The following ADGRL2 variants were observed in gnomAD, a reference collection of about 807,000 sequenced individuals.
ADGRL2 encodes the protein calcium-independent alpha-latrotoxin receptor 2.
ADGRL2 carries 44 observed loss-of-function variants against 157.4 expected under a neutral mutation model. The observed-to-expected ratio is 0.28, with a 90% confidence interval of 0.22 to 0.36. ADGRL2 has a LOEUF of 0.36. ADGRL2 is among the 10% of genes least tolerant of loss of function. The pLI, the probability that ADGRL2 is intolerant of heterozygous loss-of-function variation, is 1.00. For synonymous variants in ADGRL2, 585 were observed against 624.7 expected (o/e 0.94, Z 0.95); for missense variants, 1,510 against 1,768.9 (o/e 0.85, Z 2.63).
rs534673051 is a variant in ADGRL2, at chr1:81,974,941, T to C, written c.3021+3023T>C. Among the ~76,000 whole-genome samples the C allele has an allele frequency of 2.0e-5, 3 of 152,172 alleles. No homozygotes were observed. The South Asian group carries it at 6.2e-4, about 32-fold the overall frequency. On this transcript the variant is annotated intron_variant, in intron 17 of 23. Transcript: ENST00000686636. ...TTGGGGATAGGTAAAAGAATGATCTTTGTCAGTGGGAGAGAAAAAAAAATG... is the reference window on the plus strand; with the variant it reads ...TTGGGGATAGGTAAAAGAATGATCTCTGTCAGTGGGAGAGAAAAAAAAATG...
At chr1:81,896,327 A>G (rs1054937827) in intron 2 of ADGRL2, among the ~76,000 whole-genome samples, 10 of 152,188 alleles carry the variant, frequency 6.6e-5, no homozygotes, top group Admixed American at 5.2e-4. Context: ...TAATAATTGT[A>G]AAGAGTATTT....
intron 6 of ADGRL2, among the ~76,000 whole-genome samples, chr1:81,946,468 A>T (rs987879830): frequency 6.6e-6 from 1 of 151,820 alleles, no homozygotes; most frequent in Non-Finnish European, 1.5e-5. Context: ...GCCTTAGGAA[A>T]AACACTTTCC....
chr1:81,783,482 T>A (rs951539582), intron 2 of ADGRL2, among the ~76,000 whole-genome samples: 2 of 151,646 alleles, frequency 1.3e-5, no homozygotes, highest in Non-Finnish European at 2.9e-5. Flanking sequence ...TGCCTCTATC[T>A]TCTTCTTATT....
intron 1 of ADGRL2, among the ~76,000 whole-genome samples, chr1:81,350,924 T>C (rs1662835951): frequency 6.6e-6 from 1 of 152,152 alleles, no homozygotes; most frequent in Non-Finnish European, 1.5e-5. Flanking sequence ...AAAGAGATGG[T>C]TCTAAATAGG....
At chr1:81,940,637 T>C (rs916956778) in intron 4 of ADGRL2, among the ~76,000 whole-genome samples, 1 of 151,614 alleles carries the variant, frequency 6.6e-6, no homozygotes, top group Non-Finnish European at 1.5e-5. Flanking sequence ...TTAATCTTGA[T>C]GAATTATTGT....
chr1:81,673,895 A>T (rs1255220715), intron 3 of ADGRL2, among the ~76,000 whole-genome samples: 1 of 152,158 alleles, frequency 6.6e-6, no homozygotes, highest in East Asian at 1.9e-4. Flanking sequence ...GTTTGAATCA[A>T]ATCATTATAA....
intron 1 of ADGRL2, among the ~76,000 whole-genome samples, chr1:81,829,737 A>G (rs910563209): frequency 1.4e-4 from 21 of 152,354 alleles, no homozygotes; most frequent in Middle Eastern, 3.4e-3. Context: ...AAGCCCCCAG[A>G]TGGCTTCCTT....
At chr1:81,850,111 C>G (rs1416944759) in intron 2 of ADGRL2, among the ~76,000 whole-genome samples, 1 of 151,966 alleles carries the variant, frequency 6.6e-6, no homozygotes. Context: ...ATGAAAGCTA[C>G]TTTAAACTTA....
intron 1 of ADGRL2, among the ~76,000 whole-genome samples, chr1:81,313,675 C>A (rs921272795): frequency 6.6e-6 from 1 of 152,170 alleles, no homozygotes; most frequent in Admixed American, 6.5e-5. Flanking sequence ...GAGGACTCTC[C>A]TTCTTAGCTT....
At chr1:81,328,728 A>G (rs1290295636) in intron 1 of ADGRL2, among the ~76,000 whole-genome samples, 2 of 152,018 alleles carry the variant, frequency 1.3e-5, no homozygotes, top group Admixed American at 1.3e-4. Context: ...TGTGGTAAGG[A>G]TCACCTCAAT....
intron 1 of ADGRL2, among the ~76,000 whole-genome samples, chr1:81,341,667 G>A (rs920295779): frequency 6.6e-6 from 1 of 151,838 alleles, no homozygotes; most frequent in Non-Finnish European, 1.5e-5. Context: ...GATACTTAAC[G>A]TTACTCTCAT....
intron 1 of ADGRL2, among the ~76,000 whole-genome samples, chr1:81,359,116 T>C (rs2075926736): frequency 6.7e-6 from 1 of 149,374 alleles, no homozygotes; most frequent in Non-Finnish European, 1.5e-5. Context: ...ATCTGTGTAG[T>C]TGGGAGGTGG....
intron 2 of ADGRL2, among the ~76,000 whole-genome samples, chr1:81,474,626 T>C (rs990317946): frequency 3.9e-5 from 6 of 152,168 alleles, no homozygotes; most frequent in Non-Finnish European, 8.8e-5. Flanking sequence ...TTTTAGAAAT[T>C]ATAGAGTAGA....
intron 1 of ADGRL2, among the ~76,000 whole-genome samples, chr1:81,408,431 T>A (rs2101381354): frequency 6.6e-6 from 1 of 152,272 alleles, no homozygotes; most frequent in East Asian, 1.9e-4. Context: ...TTGATAAAAG[T>A]TTTTGTGTCT....
intron 2 of ADGRL2, among the ~76,000 whole-genome samples, chr1:81,536,680 G>A (rs761285279): frequency 1.3e-5 from 2 of 151,680 alleles, no homozygotes; most frequent in African/African-American, 2.4e-5. Flanking sequence ...GTTTTGTTTT[G>A]TTTTGTTTTT....
chr1:81,755,316 T>C (rs919168885), intron 1 of ADGRL2, among the ~76,000 whole-genome samples: 2 of 151,426 alleles, frequency 1.3e-5, no homozygotes, highest in Non-Finnish European at 2.9e-5. Context: ...GCAATTTGCC[T>C]GGCACTACTA....
chr1:81,791,650 C>A (rs1259752783), intron 2 of ADGRL2, among the ~76,000 whole-genome samples: 1 of 151,452 alleles, frequency 6.6e-6, no homozygotes, highest in Non-Finnish European at 1.5e-5. Context: ...AGGAGATGAG[C>A]AGGTTAAAAA....
chr1:81,413,871 G>A (rs1283945596), intron 1 of ADGRL2, among the ~76,000 whole-genome samples: 4 of 152,114 alleles, frequency 2.6e-5, no homozygotes, highest in Admixed American at 6.5e-5. Flanking sequence ...ATTTACTGTG[G>A]AAGTGTACCA....
intron 2 of ADGRL2, among the ~76,000 whole-genome samples, chr1:81,483,087 T>C (rs2078424433): frequency 6.6e-6 from 1 of 152,138 alleles, no homozygotes; most frequent in African/African-American, 2.4e-5. Flanking sequence ...ATAGTCACCC[T>C]CAGAACCCAG....
Sources: allele counts gnomAD v4.1 joint callset (sites outside exome capture counted in the v4.1 genomes callset), GRCh38; gene constraint gnomAD v4.1.1; transcripts MANE v1.5; gene names NCBI Gene and HGNC (gene_info 2026-07-23, HGNC 2026-07-21).